The following XRCC4 variants were observed in gnomAD, a reference collection of about 807,000 sequenced individuals.
XRCC4 encodes the protein DNA repair protein XRCC4.
A neutral mutation model predicts 39.1 loss-of-function variants in XRCC4; 28 were observed. That is an observed-to-expected ratio of 0.72 (90% confidence interval 0.53 to 0.98). The LOEUF is 0.98. XRCC4 is among the 50% of genes least tolerant of loss of function. XRCC4 has a pLI of 0.00. For missense variants in XRCC4, 350 were observed against 376.4 expected, an observed-to-expected ratio of 0.93 and a Z score of 0.58; for synonymous variants, 123 against 126.4, an observed-to-expected ratio of 0.97 and a Z score of 0.18.
At chr5:83,097,277 T>C (rs1240744061) in intron 1 of XRCC4, among the ~76,000 whole-genome samples, 2 of 152,208 alleles carry the variant, frequency 1.3e-5, no homozygotes, top group African/African-American at 2.4e-5. Context: ...TTAAAAATTG[T>C]GAAATGTTGG....
At position 83,353,349 on chromosome 5, in the gene XRCC4, A is replaced by C; in HGVS notation, c.*107A>C. On this transcript the variant is annotated 3_prime_UTR_variant, in exon 8 of 8. Coordinates refer to ENST00000396027, the MANE Select transcript of XRCC4 (RefSeq NM_003401.5). ...AGCAGCCGCTATTACCGTATCTTAC[A>C]ATTTAATTACATACACAGTGAATTG... The C allele has an allele frequency of 1.2e-6, 1 of 845,998 alleles. No homozygotes were observed. The highest frequency in any genetic ancestry group is 1.8e-6 in the Non-Finnish European group (1 of 546,372). 52.4% of individuals were successfully genotyped at this position (845,998 alleles called of 1,614,324 possible). A position where few individuals can be genotyped will look rare whatever the true frequency, so the allele number is the denominator to read the frequency against.
chr5:83,247,889 T>C (rs533883626), intron 6 of XRCC4, among the ~76,000 whole-genome samples: 1 of 152,328 alleles, frequency 6.6e-6, no homozygotes, highest in African/African-American at 2.4e-5. Flanking sequence ...GTAAGAGAAC[T>C]CAAAACATTT....
At chr5:83,082,200 C>T (rs1744975009) in intron 1 of XRCC4, among the ~76,000 whole-genome samples, 1 of 152,190 alleles carries the variant, frequency 6.6e-6, no homozygotes, top group African/African-American at 2.4e-5. Context: ...TGCCTCCCTA[C>T]AGTCTATTCT....
chr5:83,151,723 T>C (rs191369757), intron 3 of XRCC4, among the ~76,000 whole-genome samples: 62 of 152,324 alleles, frequency 4.1e-4, no homozygotes, highest in African/African-American at 1.2e-3. Flanking sequence ...TGTGCACTAA[T>C]ATATTCAACA....
At chr5:83,327,913 A>G (rs925206653) in intron 7 of XRCC4, among the ~76,000 whole-genome samples, 2 of 152,146 alleles carry the variant, frequency 1.3e-5, no homozygotes, top group African/African-American at 4.8e-5. Context: ...GGTCCTAGCC[A>G]GTGCATGCAT....
chr5:83,369,707 G>C, the XRCC4 span, among the ~76,000 whole-genome samples: 3 of 152,184 alleles, frequency 2.0e-5, no homozygotes, highest in African/African-American at 4.8e-5. Flanking sequence ...GAGCTGTGAT[G>C]AACATACAGG....
intron 3 of XRCC4, among the ~76,000 whole-genome samples, chr5:83,194,692 T>G (rs909970192): frequency 2.6e-5 from 4 of 152,314 alleles, no homozygotes; most frequent in African/African-American, 9.6e-5. Flanking sequence ...CATTTTACTC[T>G]TCTACGGACT....
intron 7 of XRCC4, among the ~76,000 whole-genome samples, chr5:83,324,870 T>C (rs1194992443): frequency 6.6e-6 from 1 of 152,148 alleles, no homozygotes; most frequent in Non-Finnish European, 1.5e-5. Context: ...AGCCACTTTA[T>C]AAAAGCAAAC....
intron 7 of XRCC4, among the ~76,000 whole-genome samples, chr5:83,268,852 T>A (rs1022367792): frequency 6.6e-6 from 1 of 152,148 alleles, no homozygotes; most frequent in African/African-American, 2.4e-5. Flanking sequence ...ATTGAACAAA[T>A]CAATTTAGCA....
intron 6 of XRCC4, among the ~76,000 whole-genome samples, chr5:83,212,938 A>C (rs1269222211): frequency 1.3e-5 from 2 of 149,860 alleles, no homozygotes; most frequent in African/African-American, 2.4e-5. Flanking sequence ...AAAAAAAAAA[A>C]AAACACCAAA....
chr5:83,087,185 T>A (rs1304333242), intron 1 of XRCC4, among the ~76,000 whole-genome samples: 1 of 151,698 alleles, frequency 6.6e-6, no homozygotes, highest in Non-Finnish European at 1.5e-5. Context: ...GGAGTGGTGG[T>A]GCATGCCTGT....
intron 3 of XRCC4, among the ~76,000 whole-genome samples, chr5:83,118,502 C>T (rs1435012645): frequency 1.3e-5 from 2 of 152,160 alleles, no homozygotes. Context: ...GTTTTTATTT[C>T]ATAGTCCAAG....
At chr5:83,331,836 C>T (rs1756445974) in intron 7 of XRCC4, among the ~76,000 whole-genome samples, 2 of 152,014 alleles carry the variant, frequency 1.3e-5, no homozygotes, top group African/African-American at 2.4e-5. Context: ...ATAAAATAAT[C>T]GCTTCATCAT....
Position 83,258,592 on chromosome 5 carries a change from A to G in XRCC4, c.808A>G (p.Arg270Gly). Residue 270 changes from arginine (R) to glycine (G), a missense_variant, in exon 7 of 8, where the codon AGA becomes GGA. Arg to Gly is a moderately radical substitution (Grantham distance 125). Transcript: ENST00000396027. ...TGATGTCACTGATATTGCACCAAGT[A>G]GAAAAAGGAGACAGCGAATGCAAAG... The part of the protein sequence containing the change: ...SLDVTDIAPS[R>G]KRRQRMQRNL... The G allele has an allele frequency of 6.2e-7, 1 of 1,611,004 alleles. No homozygotes were observed. Among genetic ancestry groups the G allele is most frequent in the Non-Finnish European group, 8.5e-7 (1 of 1,179,102 alleles).
At chr5:83,316,110 T>A (rs1755873666) in intron 7 of XRCC4, among the ~76,000 whole-genome samples, 1 of 152,044 alleles carries the variant, frequency 6.6e-6, no homozygotes. Flanking sequence ...TGTGGATGAT[T>A]AGGGGGTTCA....
chr5:83,134,502 A>G (rs1233200799), intron 3 of XRCC4, among the ~76,000 whole-genome samples: 1 of 152,108 alleles, frequency 6.6e-6, no homozygotes, highest in Non-Finnish European at 1.5e-5. Flanking sequence ...ATCAATCAGC[A>G]CTCTCTCAAA....
intron 6 of XRCC4, among the ~76,000 whole-genome samples, chr5:83,241,209 C>T (rs1752895460): frequency 6.8e-6 from 1 of 147,372 alleles, no homozygotes; most frequent in East Asian, 2.0e-4. Flanking sequence ...TGCCAATGCA[C>T]TCCAGCCAGG....
chr5:83,118,077 CATAT>C (rs796950281), intron 3 of XRCC4, among the ~76,000 whole-genome samples: 2,129 of 49,742 alleles, frequency 0.043, 34 homozygotes, highest in African/African-American at 0.11. Flanking sequence ...CACACACACA[CATAT>C]GTATATAGTG....
intron 6 of XRCC4, among the ~76,000 whole-genome samples, chr5:83,215,832 A>T (rs915973556): frequency 6.6e-5 from 10 of 152,164 alleles, no homozygotes; most frequent in African/African-American, 2.4e-4. Flanking sequence ...CTCAAAATGG[A>T]TCATAGGCCT....
Sources: allele counts gnomAD v4.1 joint callset (sites outside exome capture counted in the v4.1 genomes callset), GRCh38; gene constraint gnomAD v4.1.1; transcripts MANE v1.5; gene names NCBI Gene and HGNC (gene_info 2026-07-23, HGNC 2026-07-21).